The following CNTN4 variants were observed in gnomAD, a reference collection of about 807,000 sequenced individuals.
CNTN4 encodes contactin 4.
Under a neutral mutation model 122.5 loss-of-function variants are expected in CNTN4, and 77 were observed. That is an observed-to-expected ratio of 0.63 (90% confidence interval 0.52 to 0.76). CNTN4 has a LOEUF of 0.76. Among genes scored for constraint, CNTN4 ranks in the 30% least tolerant of loss-of-function variants. CNTN4 has a pLI of 0.00. For missense variants in CNTN4, 1,256 were observed against 1,259.1 expected (o/e 1.00, Z 0.04); for synonymous variants, 512 against 447.0 (o/e 1.15, Z -1.83).
chr3:2,917,297 GC>G (rs1559662579), intron 12 of CNTN4, among the ~76,000 whole-genome samples: 2 of 151,512 alleles, frequency 1.3e-5, no homozygotes, highest in Non-Finnish European at 2.9e-5. Context: ...AAAGCGGGAG[GC>G]GGAGACGAGG....
At chr3:2,409,607 A>T (rs564240067) in intron 3 of CNTN4, among the ~76,000 whole-genome samples, 51 of 152,148 alleles carry the variant, frequency 3.4e-4, no homozygotes, top group Non-Finnish European at 6.0e-4. Flanking sequence ...AATCTCAAAG[A>T]TATAAGCAGT....
chr3:2,886,918 A>G, intron 9 of CNTN4, 122 bp from the exon 10 acceptor site: 7 of 712,230 alleles, frequency 9.8e-6, no homozygotes, highest in South Asian at 8.4e-5. Flanking sequence ...AGATAGAGGA[A>G]TGAATGAAGT....
At chr3:2,350,556 T>G (rs1407983403) in intron 3 of CNTN4, among the ~76,000 whole-genome samples, 1 of 130,308 alleles carries the variant, frequency 7.7e-6, no homozygotes, top group Non-Finnish European at 1.7e-5. Flanking sequence ...ACATAATTAG[T>G]ATACTTAAAT....
intron 6 of CNTN4, among the ~76,000 whole-genome samples, chr3:2,811,016 G>GA (rs76141502): frequency 0.15 from 20,882 of 137,616 alleles, 1,791 homozygotes; most frequent in East Asian, 0.4. Flanking sequence ...TAGAGGCTCT[G>GA]AAAAAAAAAA....
At chr3:2,827,468 A>G (rs1028252625) in intron 7 of CNTN4, among the ~76,000 whole-genome samples, 1 of 152,204 alleles carries the variant, frequency 6.6e-6, no homozygotes, top group Non-Finnish European at 1.5e-5. Flanking sequence ...GTCAAAGTTA[A>G]ATCAGAGAAT....
Position 2,988,395 on chromosome 3 carries a change from C to T in CNTN4, c.1409C>T (p.Ser470Leu). The change falls in exon 14 of 25, where the codon TCA (serine) becomes TTA (leucine). Residue 470 changes from serine (S) to leucine (L), a missense_variant. Coordinates refer to ENST00000418658, the MANE Select transcript of CNTN4 (RefSeq NM_175607.3). ...CTCAGAATCATCAACGTTACTAAAT[C>T]AGACGCTGGGAGTTATACCTGTATA... ...GNLRIINVTK[S>L]DAGSYTCIAT... 1.2e-6 allele frequency: 2 copies of T among 1,613,716 alleles called. No individual in the cohort carries two copies. The highest frequency in any genetic ancestry group is 8.5e-7 in the Non-Finnish European group (1 of 1,179,730).
chr3:2,826,610 C>A (rs2092993985), intron 7 of CNTN4, among the ~76,000 whole-genome samples: 1 of 152,178 alleles, frequency 6.6e-6, no homozygotes, highest in South Asian at 2.1e-4. Flanking sequence ...AGCCCTATTT[C>A]TTCATATGAC....
At chr3:2,696,972 G>T (rs182136776) in intron 4 of CNTN4, among the ~76,000 whole-genome samples, 3 of 152,268 alleles carry the variant, frequency 2.0e-5, no homozygotes, top group Admixed American at 2.0e-4. Context: ...AGGAACGGAA[G>T]GTTGCGAATT....
chr3:2,240,663 T>C (rs2039895475), intron 2 of CNTN4, among the ~76,000 whole-genome samples: 1 of 152,052 alleles, frequency 6.6e-6, no homozygotes, highest in African/African-American at 2.4e-5. Flanking sequence ...AGTCATTGCA[T>C]TGTTTAGGAA....
At chr3:2,139,737 C>T (rs1301089574) in intron 2 of CNTN4, among the ~76,000 whole-genome samples, 2 of 152,042 alleles carry the variant, frequency 1.3e-5, no homozygotes, top group Admixed American at 6.6e-5. Context: ...GAACCAAGGG[C>T]CTGGGAAAAA....
At chr3:2,886,672 C>T (rs1004901445) in intron 9 of CNTN4, among the ~76,000 whole-genome samples, 7 of 151,530 alleles carry the variant, frequency 4.6e-5, no homozygotes, top group East Asian at 2.0e-4. Context: ...CCACCATGCC[C>T]GGGTAATTTT....
At chr3:2,567,377 TG>T (rs1553562492) in intron 3 of CNTN4, among the ~76,000 whole-genome samples, 217 of 112,114 alleles carry the variant, frequency 1.9e-3, no homozygotes, top group Non-Finnish European at 2.6e-4. Flanking sequence ...TGAGCCACCG[TG>T]CCTGGCCTCA....
chr3:2,853,297 T>G (rs1467203350), intron 7 of CNTN4, among the ~76,000 whole-genome samples: 2 of 152,146 alleles, frequency 1.3e-5, no homozygotes, highest in Admixed American at 1.3e-4. Context: ...CAGGCTGGAG[T>G]GCAGTGGTGC....
chr3:2,450,547 G>A (rs191654544), intron 3 of CNTN4, among the ~76,000 whole-genome samples: 1 of 152,194 alleles, frequency 6.6e-6, no homozygotes, highest in African/African-American at 2.4e-5. Flanking sequence ...GTTTAGCATA[G>A]CTATTTGGCA....
At chr3:2,247,618 T>G (rs1341262433) in intron 2 of CNTN4, among the ~76,000 whole-genome samples, 1 of 152,042 alleles carries the variant, frequency 6.6e-6, no homozygotes, top group East Asian at 1.9e-4. Context: ...TGCTAAGGAC[T>G]GTATTCTTGA....
At chr3:2,236,575 G>T (rs1012521082) in intron 2 of CNTN4, among the ~76,000 whole-genome samples, 1 of 152,074 alleles carries the variant, frequency 6.6e-6, no homozygotes. Context: ...TTAAAAGGTC[G>T]TTATTGAACC....
rs1390291991 is a variant in CNTN4 at position 2,238,820 on chromosome 3, C to G, written c.-144-100358C>G. 4.8e-5 allele frequency: 5 copies of G among 105,076 alleles called. 1 individual carries two copies. Among genetic ancestry groups the G allele is most frequent in the African/African-American group, 1.6e-4 (5 of 31,160 alleles). The allele number at this position is 105,076 out of a possible 1,614,324, so 6.5% of individuals were successfully genotyped here. A position where few individuals can be genotyped will look rare whatever the true frequency, so the allele number is the denominator to read the frequency against. On this transcript the variant is annotated intron_variant, in intron 2 of 24. Transcript: ENST00000418658. ...TCGGCTCACTGCAAGCTCCGCCTCC[C>G]GGGTTCCCGCCATTCTCCCGCCTCA...
intron 3 of CNTN4, among the ~76,000 whole-genome samples, chr3:2,342,602 G>A (rs145901980): frequency 2.6e-5 from 4 of 152,226 alleles, no homozygotes; most frequent in East Asian, 1.9e-4. Flanking sequence ...CATGCTGTTC[G>A]TGTAACAGTG....
intron 3 of CNTN4, among the ~76,000 whole-genome samples, chr3:2,561,005 T>C (rs1352523144): frequency 6.6e-6 from 1 of 152,242 alleles, no homozygotes; most frequent in Non-Finnish European, 1.5e-5. Context: ...TCTGATTTTC[T>C]GATGTGGCTG....
Sources: allele counts gnomAD v4.1 joint callset (sites outside exome capture counted in the v4.1 genomes callset), GRCh38; gene constraint gnomAD v4.1.1; transcripts MANE v1.5; gene names NCBI Gene and HGNC (gene_info 2026-07-23, HGNC 2026-07-21).